HDAC9: variants seen among roughly 807,000 people sequenced by gnomAD.
HDAC9 encodes MEF-2 interacting transcription repressor (MITR) protein.
Under a neutral mutation model 139.4 loss-of-function variants are expected in HDAC9, and 41 were observed. That is an observed-to-expected ratio of 0.29 (90% confidence interval 0.23 to 0.38). HDAC9 has a LOEUF of 0.38. HDAC9 is among the 10% of genes least tolerant of loss of function. The probability of loss-of-function intolerance (pLI) is 1.00; values close to 1 mark genes in which losing one functional copy is unlikely to be tolerated. For missense variants in HDAC9, 1,147 were observed against 1,297.0 expected (o/e 0.88, Z 1.78); for synonymous variants, 517 against 476.2 (o/e 1.09, Z -1.12).
chr7:18,694,750 C>T (rs1782917588), intron 12 of HDAC9, among the ~76,000 whole-genome samples: 1 of 152,066 alleles, frequency 6.6e-6, no homozygotes, highest in Admixed American at 6.6e-5. Context: ...TTGGTCTTGA[C>T]ATCAGTCACT....
intron 23 of HDAC9, among the ~76,000 whole-genome samples, chr7:18,938,488 C>T (rs1304181782): frequency 6.6e-6 from 1 of 150,664 alleles, no homozygotes; most frequent in Non-Finnish European, 1.5e-5. Context: ...CCAGCTACTC[C>T]GGAGCCTGAG....
intron 12 of HDAC9, among the ~76,000 whole-genome samples, chr7:18,710,589 A>G (rs1784274027): frequency 6.6e-6 from 1 of 152,234 alleles, no homozygotes; most frequent in South Asian, 2.1e-4. Context: ...GAGGTTAAAT[A>G]TTCAGAATAT....
intron 25 of HDAC9, among the ~76,000 whole-genome samples, chr7:18,994,162 C>A (rs1262452414): frequency 2.0e-5 from 3 of 152,204 alleles, no homozygotes; most frequent in African/African-American, 7.2e-5. Flanking sequence ...ATTTCCCACA[C>A]GTGACTGTCT....
intron 1 of HDAC9, among the ~76,000 whole-genome samples, chr7:18,354,436 G>A (rs1783094569): frequency 6.6e-6 from 1 of 152,124 alleles, no homozygotes; most frequent in African/African-American, 2.4e-5. Context: ...GCTCTACGGT[G>A]CTTGAAAGAG....
intron 1 of HDAC9, among the ~76,000 whole-genome samples, chr7:18,297,690 A>T (rs1798244913): frequency 6.6e-6 from 1 of 152,166 alleles, no homozygotes; most frequent in African/African-American, 2.4e-5. Context: ...TTTAGTCCTG[A>T]TCCAAAGGAG....
chr7:18,858,299 T>G (rs982425256), intron 21 of HDAC9, among the ~76,000 whole-genome samples: 1 of 152,162 alleles, frequency 6.6e-6, no homozygotes, highest in Non-Finnish European at 1.5e-5. Context: ...TTTAATTGAC[T>G]CACGTGGCTG....
At chr7:18,901,555 C>A (rs986038142) in intron 22 of HDAC9, among the ~76,000 whole-genome samples, 1 of 152,082 alleles carries the variant, frequency 6.6e-6, no homozygotes, top group Non-Finnish European at 1.5e-5. Context: ...GGGGATCCCA[C>A]CCCCAACAAA....
At chr7:18,273,058 T>G (rs1796484787) in intron 2 of HDAC9, among the ~76,000 whole-genome samples, 2 of 12,916 alleles carry the variant, frequency 1.5e-4, no homozygotes, top group African/African-American at 5.0e-4. Context: ...CCTTCTTCGT[T>G]TTTTTTTTTT....
rs1794432443 is a variant in HDAC9, at chr7:18,245,015, A to ATCTATCTATCTATCTATCTG, written c.25+82675_25+82676insCTATCTATCTGTCTATCTAT. Among the ~76,000 whole-genome samples the ATCTATCTATCTATCTATCTG allele has an allele frequency of 3.3e-5, 5 of 152,036 alleles. No individual in the cohort carries two copies. The South Asian group carries it at 1.0e-3, about 32-fold the overall frequency. ...TCTGCATCTATCTATCTATCTATCT[A>ATCTATCTATCTATCTATCTG]TCTATCTATTGATGCATTCCAAGCT... On this transcript the variant is annotated intron_variant, in intron 2 of 12. Coordinates refer to the HDAC9 transcript ENST00000417496.
intron 6 of HDAC9, among the ~76,000 whole-genome samples, chr7:18,617,082 T>C (rs1406545931): frequency 6.6e-6 from 1 of 152,176 alleles, no homozygotes; most frequent in Non-Finnish European, 1.5e-5. Flanking sequence ...TACTAACTTC[T>C]GTTATTGCTT....
At chr7:18,510,457 A>G (rs962689017) in intron 2 of HDAC9, among the ~76,000 whole-genome samples, 1 of 152,148 alleles carries the variant, frequency 6.6e-6, no homozygotes, top group Admixed American at 6.5e-5. Context: ...TTTGCATTTA[A>G]TACTATTTTT....
At chr7:18,569,097 A>C (rs1204836946) in intron 2 of HDAC9, among the ~76,000 whole-genome samples, 1 of 152,120 alleles carries the variant, frequency 6.6e-6, no homozygotes, top group African/African-American at 2.4e-5. Flanking sequence ...CTATAGATTG[A>C]TTCTCAGGAG....
At chr7:18,657,570 A>C (rs1308567384) in intron 11 of HDAC9, among the ~76,000 whole-genome samples, 1 of 152,198 alleles carries the variant, frequency 6.6e-6, no homozygotes, top group Admixed American at 6.6e-5. Context: ...TTAAAAGGAC[A>C]TAAAATTATG....
chr7:18,268,769 G>T (rs1796161281), intron 2 of HDAC9, among the ~76,000 whole-genome samples: 1 of 152,148 alleles, frequency 6.6e-6, no homozygotes, highest in South Asian at 2.1e-4. Context: ...TTTATGTAAT[G>T]AGGTATTTAC....
chr7:18,738,587 C>G (rs1311726394), intron 13 of HDAC9, among the ~76,000 whole-genome samples: 2 of 152,164 alleles, frequency 1.3e-5, no homozygotes, highest in Non-Finnish European at 2.9e-5. Context: ...GAATATTGGC[C>G]TCCACTCTCT....
At chr7:18,692,072 G>A (rs570945561) in intron 12 of HDAC9, among the ~76,000 whole-genome samples, 8 of 152,068 alleles carry the variant, frequency 5.3e-5, no homozygotes. Flanking sequence ...ATGAGTCTCA[G>A]AAAAGACAGC....
chr7:18,647,644 C>T (rs996323073), intron 9 of HDAC9, 141 bp from the exon 10 acceptor site: 8 of 631,574 alleles, frequency 1.3e-5, no homozygotes, highest in Admixed American at 6.2e-5. Flanking sequence ...TTAAAAAGTC[C>T]ATTTTCCCTG....
intron 21 of HDAC9, among the ~76,000 whole-genome samples, chr7:18,843,018 A>T (rs1796685833): frequency 6.6e-6 from 1 of 152,060 alleles, no homozygotes; most frequent in African/African-American, 2.4e-5. Context: ...TTGTTTTTAA[A>T]AGGTCGGATC....
At chr7:18,460,912 A>G (rs574357662) in intron 1 of HDAC9, among the ~76,000 whole-genome samples, 3 of 152,018 alleles carry the variant, frequency 2.0e-5, no homozygotes, top group Non-Finnish European at 4.4e-5. Flanking sequence ...CAACCTAATG[A>G]TCTACTGTGA....
Sources: gnomAD v4.1 joint callset for allele counts (sites outside exome capture counted in the v4.1 genomes callset) on GRCh38, gnomAD v4.1.1 for gene constraint, MANE v1.5 for transcripts, NCBI Gene and HGNC (gene_info 2026-07-23, HGNC 2026-07-21) for gene names.